NLGN4X: variants seen among roughly 807,000 people sequenced by gnomAD.
The protein encoded by NLGN4X is neuroligin-4, X-linked.
Under a neutral mutation model 40.3 loss-of-function variants are expected in NLGN4X, and 3 were observed. That is an observed-to-expected ratio of 0.07 (90% CI 0.03 to 0.19). The LOEUF is 0.19. NLGN4X is among the 10% of genes least tolerant of loss of function. The pLI is 1.00. For synonymous variants in NLGN4X, 270 were observed against 306.8 expected, an observed-to-expected ratio of 0.88 and a Z score of 1.25; for missense variants, 382 against 708.3, an observed-to-expected ratio of 0.54 and a Z score of 5.23.
chrX:6,124,979 A>C (rs1294323721), intron 2 of NLGN4X, among the ~76,000 whole-genome samples: 1 of 112,086 alleles, frequency 8.9e-6, no homozygotes, highest in Non-Finnish European at 1.9e-5. Context: ...AAAAGCATTC[A>C]AAATAATGAT....
chrX:5,956,582 G>A (rs1395272700), intron 3 of NLGN4X, among the ~76,000 whole-genome samples: 1 of 111,467 alleles, frequency 9.0e-6, no homozygotes, highest in Non-Finnish European at 1.9e-5. Context: ...GAAATGTGTA[G>A]AATTATGGGA....
intron 4 of NLGN4X, among the ~76,000 whole-genome samples, chrX:5,907,958 G>A (rs765215284): frequency 1.9e-4 from 19 of 100,667 alleles, no homozygotes; most frequent in Non-Finnish European, 3.2e-4. Context: ...AGGAGATAGT[G>A]AGTAAGAGAG....
intron 3 of NLGN4X, among the ~76,000 whole-genome samples, chrX:5,937,833 TACAA>T (rs1402409609): frequency 4.5e-5 from 5 of 112,122 alleles, no homozygotes; most frequent in Admixed American, 9.4e-5. Context: ...CTGAAGTCTG[TACAA>T]ACAGAGATTA....
At chrX:6,165,846 G>T (rs1410511579) in intron 1 of NLGN4X, among the ~76,000 whole-genome samples, 2 of 111,139 alleles carry the variant, frequency 1.8e-5, no homozygotes, top group Non-Finnish European at 3.8e-5. Context: ...TACATAGCAG[G>T]TGTATATACA....
At chrX:6,026,993 ACT>A (rs754984668) in intron 3 of NLGN4X, among the ~76,000 whole-genome samples, 1 of 111,497 alleles carries the variant, frequency 9.0e-6, no homozygotes, top group Non-Finnish European at 1.9e-5. Flanking sequence ...TTATTTTGAA[ACT>A]CTATCTTATC....
chrX:6,128,894 C>G (rs1359830977), intron 2 of NLGN4X, among the ~76,000 whole-genome samples: 2 of 112,173 alleles, frequency 1.8e-5, no homozygotes, highest in Non-Finnish European at 3.8e-5. Context: ...TTCTTCTGCA[C>G]TTTCCCAGTT....
intron 1 of NLGN4X, among the ~76,000 whole-genome samples, chrX:6,194,183 CAA>C (rs1021057528): frequency 1.8e-5 from 2 of 111,023 alleles, no homozygotes; most frequent in African/African-American, 6.5e-5. Context: ...ACCCTGTCTC[CAA>C]AAGATATATA....
chrX:6,000,310 G>C (rs1407548053), intron 3 of NLGN4X, among the ~76,000 whole-genome samples: 7 of 112,242 alleles, frequency 6.2e-5, no homozygotes, highest in Admixed American at 5.7e-4. Context: ...ATTGGCGTTT[G>C]GTTTCTTAGA....
chrX:6,185,370 T>C (rs752174039), intron 1 of NLGN4X, among the ~76,000 whole-genome samples: 1 of 112,205 alleles, frequency 8.9e-6, no homozygotes, highest in East Asian at 2.8e-4. Flanking sequence ...AAGGGAAGTA[T>C]AAAAGATTAA....
intron 2 of NLGN4X, among the ~76,000 whole-genome samples, chrX:6,129,289 A>C (rs1225500670): frequency 8.9e-6 from 1 of 111,942 alleles, no homozygotes; most frequent in East Asian, 2.8e-4. Flanking sequence ...CCCAAGTGGA[A>C]GACACAACCC....
At chrX:6,002,107 C>T (rs758510198) in intron 3 of NLGN4X, among the ~76,000 whole-genome samples, 1 of 110,987 alleles carries the variant, frequency 9.0e-6, no homozygotes, top group Non-Finnish European at 1.9e-5. Flanking sequence ...ATGTAGAAGA[C>T]ACGTGAGGTC....
chrX:5,913,968 C>T (rs1006777946), intron 3 of NLGN4X, among the ~76,000 whole-genome samples: 27 of 112,161 alleles, frequency 2.4e-4, no homozygotes, highest in Admixed American at 2.1e-3. Context: ...TGTGACTTTG[C>T]TTCTCCTTTG....
At chrX:5,918,020 T>G (rs180902215) in intron 3 of NLGN4X, among the ~76,000 whole-genome samples, 1 of 112,205 alleles carries the variant, frequency 8.9e-6, no homozygotes, top group East Asian at 2.8e-4. Flanking sequence ...AGCTTTTACT[T>G]ATGCTATGAG....
chrX:6,226,741 G>A, intron 1 of NLGN4X: 1 of 120,982 alleles, frequency 8.3e-6, no homozygotes, highest in Non-Finnish European at 1.7e-5. Flanking sequence ...GGTAGCGACC[G>A]GCCTCTTGGA....
chrX:6,157,630 G>A (rs2040298122), intron 1 of NLGN4X, among the ~76,000 whole-genome samples: 1 of 111,649 alleles, frequency 9.0e-6, no homozygotes, highest in South Asian at 3.8e-4. Context: ...TTCAGTGTAT[G>A]GTGAGGGCCT....
chrX:5,924,853 G>A (rs1220365320), intron 3 of NLGN4X, among the ~76,000 whole-genome samples: 1 of 110,052 alleles, frequency 9.1e-6, no homozygotes, highest in Non-Finnish European at 1.9e-5. Flanking sequence ...GGGACTCAGA[G>A]GGAAAGGGTG....
At chrX:6,048,160 C>T (rs779361224) in intron 2 of NLGN4X, among the ~76,000 whole-genome samples, 2 of 111,817 alleles carry the variant, frequency 1.8e-5, no homozygotes, top group Non-Finnish European at 3.8e-5. Flanking sequence ...CAAACACGCA[C>T]AATTTCACTC....
intron 3 of NLGN4X, among the ~76,000 whole-genome samples, chrX:6,007,029 A>G (rs2036119514): frequency 8.9e-6 from 1 of 112,092 alleles, no homozygotes; most frequent in African/African-American, 3.2e-5. Flanking sequence ...TCACAACAGC[A>G]AAGTCATGAA....
intron 3 of NLGN4X, among the ~76,000 whole-genome samples, chrX:5,945,234 G>T (rs2034082170): frequency 9.0e-6 from 1 of 111,228 alleles, no homozygotes; most frequent in South Asian, 3.8e-4. Context: ...AGCAGTAAAG[G>T]CTTTATAGGA....
Sources: gnomAD v4.1 joint callset for allele counts (sites outside exome capture counted in the v4.1 genomes callset) on GRCh38, gnomAD v4.1.1 for gene constraint, MANE v1.5 for transcripts, NCBI Gene and HGNC (gene_info 2026-07-23, HGNC 2026-07-21) for gene names.